The following HIRA variants were observed in gnomAD, a reference collection of about 807,000 sequenced individuals.
The protein encoded by HIRA is histone cell cycle regulator, also known as protein HIRA.
In HIRA, 13 loss-of-function variants were observed where a neutral mutation model predicts 126.6. That is an observed-to-expected ratio of 0.10 (90% CI 0.07 to 0.16). The LOEUF is 0.16. Among genes scored for constraint, HIRA ranks in the 10% least tolerant of loss-of-function variants. The pLI is 1.00. For missense variants in HIRA, 834 were observed against 1,314.4 expected (o/e 0.63, Z 5.65); for synonymous variants, 511 against 520.0 (o/e 0.98, Z 0.24).
chr22:19,431,589 C>A lies in HIRA; in HGVS notation c.-113G>T. On this transcript the variant is annotated 5_prime_UTR_variant, in exon 1 of 25. Transcript: ENST00000263208. ...CGCGCCACCCGCCCTCCGGCCGCCG[C>A]CCGCCCCGCGCCCTCAGGGCCGCCG... 1 of 935,122 alleles carries A rather than the reference C, an allele frequency of 1.1e-6. No individual in the cohort carries two copies. 57.9% of individuals were successfully genotyped at this position (935,122 alleles called of 1,614,324 possible). A position where few individuals can be genotyped will look rare whatever the true frequency, so the allele number is the denominator to read the frequency against.
chr22:19,427,948 A>C (rs1048277970), intron 1 of HIRA, among the ~76,000 whole-genome samples: 1 of 152,246 alleles, frequency 6.6e-6, no homozygotes, highest in African/African-American at 2.4e-5. Flanking sequence ...AAATATATAG[A>C]GAATACTGTA....
Position 19,368,228 on chromosome 22 carries a change from C to T in HIRA, c.1776-6297G>A, listed in dbSNP as rs116492359. 3.5e-3 allele frequency among the ~76,000 whole-genome samples: 533 copies of T among 152,276 alleles called. 3 individuals are homozygous for T. The highest frequency in any genetic ancestry group is 0.012 in the African/African-American group (518 of 41,528). ...AAGAAATGTGGGCAGATACACACAC[C>T]AGCGTGTAGAATCCTGGATTCTTTT... On this transcript the variant is annotated intron_variant, in intron 15 of 24. Coordinates refer to ENST00000263208, the MANE Select transcript of HIRA (RefSeq NM_003325.4).
At chr22:19,398,467 G>A (rs1259985944) in intron 5 of HIRA, among the ~76,000 whole-genome samples, 1 of 152,152 alleles carries the variant, frequency 6.6e-6, no homozygotes, top group East Asian at 1.9e-4. Context: ...GAGACACAGT[G>A]GGTAAAGCAC....
chr22:19,377,409 G>A (rs1014580007), intron 14 of HIRA, among the ~76,000 whole-genome samples: 1 of 152,252 alleles, frequency 6.6e-6, no homozygotes, highest in Admixed American at 6.5e-5. Flanking sequence ...AACAATGGGT[G>A]AGGACACAGG....
At chr22:19,420,462 C>CAAA (rs760003741) in intron 1 of HIRA, among the ~76,000 whole-genome samples, 1,753 of 63,452 alleles carry the variant, frequency 0.028, 58 homozygotes, top group African/African-American at 0.058. Flanking sequence ...AAAACTGTCT[C>CAAA]AAAAAAAAAA....
intron 6 of HIRA, among the ~76,000 whole-genome samples, chr22:19,397,399 T>C (rs3885568): frequency 6.6e-6 from 1 of 152,250 alleles, no homozygotes; most frequent in South Asian, 2.1e-4. Context: ...CTCCGGTCTC[T>C]AAAGCTTCCC....
At chr22:19,340,434 A>G (rs2088613926) in intron 24 of HIRA, among the ~76,000 whole-genome samples, 1 of 152,154 alleles carries the variant, frequency 6.6e-6, no homozygotes, top group Non-Finnish European at 1.5e-5. Context: ...AAAAGATAAA[A>G]GGGTTCCCCC....
chr22:19,407,005 A>AC (rs1377252930), intron 4 of HIRA, among the ~76,000 whole-genome samples, 179 bp downstream of exon 4: 1 of 152,090 alleles, frequency 6.6e-6, no homozygotes, highest in Non-Finnish European at 1.5e-5. Context: ...GGGGCAGCTG[A>AC]CCAGGTCTCC....
At chr22:19,420,076 G>A (rs1311374384) in intron 1 of HIRA, among the ~76,000 whole-genome samples, 2 of 150,974 alleles carry the variant, frequency 1.3e-5, no homozygotes, top group Non-Finnish European at 2.9e-5. Context: ...GTGTGCACGC[G>A]CCACAAACTA....
chr22:19,356,315 C>G (rs2088811504), intron 19 of HIRA, 27 bp from the exon 20 acceptor site: 2 of 1,606,316 alleles, frequency 1.2e-6, no homozygotes, highest in African/African-American at 2.7e-5. Context: ...GAACAGTTTA[C>G]TCACCAACCC....
intron 24 of HIRA, among the ~76,000 whole-genome samples, chr22:19,333,008 A>C (rs1194723607): frequency 6.6e-6 from 1 of 152,170 alleles, no homozygotes; most frequent in African/African-American, 2.4e-5. Flanking sequence ...TCCCAGGCTC[A>C]AGTGATCCTC....
At chr22:19,362,259 G>C (rs568851679) in intron 15 of HIRA, among the ~76,000 whole-genome samples, 2 of 152,118 alleles carry the variant, frequency 1.3e-5, no homozygotes, top group African/African-American at 4.8e-5. Context: ...ACATAAAATA[G>C]AATCTTTTGT....
At chr22:19,371,031 T>C (rs1306245308) in intron 15 of HIRA, among the ~76,000 whole-genome samples, 1 of 152,214 alleles carries the variant, frequency 6.6e-6, no homozygotes, top group African/African-American at 2.4e-5. Context: ...ATGCACTACA[T>C]GAGAGATAAG....
rs1268226998 is a variant in HIRA, at chr22:19,361,222, G to T, written c.2085+15C>A. Reference sequence around the variant, plus strand: ...GGTGTGCCTGAGGGAGAACTGGCAGGGTCCTAGAACTTACCTGGAGGGTGA... The same window carrying T: ...GGTGTGCCTGAGGGAGAACTGGCAGTGTCCTAGAACTTACCTGGAGGGTGA... On this transcript the variant is annotated intron_variant, in intron 17 of 24. Transcript: ENST00000263208. 1 of 1,594,782 alleles carries T rather than the reference G, an allele frequency of 6.3e-7. No homozygotes were observed. Among genetic ancestry groups the T allele is most frequent in the Non-Finnish European group, 8.6e-7 (1 of 1,162,404 alleles).
intron 23 of HIRA, among the ~76,000 whole-genome samples, chr22:19,352,909 C>T (rs190854965): frequency 2.0e-5 from 3 of 152,294 alleles, no homozygotes; most frequent in African/African-American, 4.8e-5. Flanking sequence ...AGAGCTCTGG[C>T]GGGAAGTGCC....
At chr22:19,360,399 G>A (rs763207609) in intron 17 of HIRA, among the ~76,000 whole-genome samples, 3 of 152,172 alleles carry the variant, frequency 2.0e-5, no homozygotes, top group Non-Finnish European at 4.4e-5. Flanking sequence ...CCCTGCCTCC[G>A]TTCACACCAG....
At chr22:19,405,707 C>T (rs1363636666) in intron 5 of HIRA, 79 bp downstream of exon 5, 3 of 1,099,398 alleles carry the variant, frequency 2.7e-6, no homozygotes, top group African/African-American at 1.6e-5. Flanking sequence ...ACCAAACAGT[C>T]CCACAGGGGA....
In HIRA at chr22:19,375,783, A is replaced by G; in HGVS notation, c.1623T>C (p.Ala541=). 6.2e-7 allele frequency: 1 copy of G among 1,614,182 alleles called. No homozygotes were observed. Residue 541 remains alanine, a synonymous_variant, in exon 15 of 25, where the codon GCT becomes GCC. Coordinates refer to ENST00000263208, the MANE Select transcript of HIRA (RefSeq NM_003325.4). ...GDSVNKDSMN[A]TSTPAALSPS... is the part of the protein sequence containing the mutation. ...GTGACAATGCAGCAGGAGTAGAGGTAGCATTCATACTGGGGTGAAGAAGAG... is the reference window on the plus strand; with the variant it reads ...GTGACAATGCAGCAGGAGTAGAGGTGGCATTCATACTGGGGTGAAGAAGAG...
chr22:19,388,008 G>A (rs1345045139), intron 10 of HIRA, among the ~76,000 whole-genome samples, 192 bp from the exon 11 acceptor site: 2 of 152,014 alleles, frequency 1.3e-5, no homozygotes, highest in African/African-American at 4.8e-5. Flanking sequence ...ATCCCAAAGG[G>A]CCCTGGTGTT....
Sources: allele counts gnomAD v4.1 joint callset (sites outside exome capture counted in the v4.1 genomes callset), GRCh38; gene constraint gnomAD v4.1.1; transcripts MANE v1.5; gene names NCBI Gene and HGNC (gene_info 2026-07-23, HGNC 2026-07-21).